TRMT11: variants seen among roughly 807,000 people sequenced by gnomAD.
TRMT11 encodes the protein tRNA methyltransferase 11.
In TRMT11, 53 loss-of-function variants were observed where a neutral mutation model predicts 62.8. The observed-to-expected ratio is 0.84, with a 90% CI of 0.68 to 1.06. The LOEUF (loss-of-function observed/expected upper bound fraction) is 1.06, where lower values mean the gene tolerates loss of function less well. Ranked by LOEUF, TRMT11 falls within the 50% of genes least tolerant of loss-of-function variation. The pLI is 0.00. For synonymous variants in TRMT11, 188 were observed against 190.3 expected (o/e 0.99, Z 0.10); for missense variants, 556 against 553.4 (o/e 1.00, Z -0.05).
chr6:126,126,845 G>A (rs1777725153), intron 21 of TRMT11, among the ~76,000 whole-genome samples: 1 of 152,066 alleles, frequency 6.6e-6, no homozygotes, highest in Non-Finnish European at 1.5e-5. Flanking sequence ...TCCAAGTTGA[G>A]CAGAATACTG....
At chr6:126,014,784 T>C (rs2128837373) in intron 11 of TRMT11, among the ~76,000 whole-genome samples, 1 of 152,318 alleles carries the variant, frequency 6.6e-6, no homozygotes, top group Non-Finnish European at 1.5e-5. Context: ...CTAATGATCA[T>C]CTCATTTAAC....
intron 17 of TRMT11, among the ~76,000 whole-genome samples, chr6:126,092,542 AC>A (rs1349597371): frequency 1.3e-5 from 2 of 152,226 alleles, no homozygotes; most frequent in Non-Finnish European, 2.9e-5. Context: ...TATGGGAGCT[AC>A]AATTCAAGAT....
At chr6:126,213,530 G>T in the TRMT11 span, among the ~76,000 whole-genome samples, 4,319 of 151,920 alleles carry the variant, frequency 0.028, 188 homozygotes, top group African/African-American at 0.098. Context: ...TTACATTCTT[G>T]ATTTATTTTT....
intron 1 of TRMT11, among the ~76,000 whole-genome samples, chr6:126,192,382 G>A (rs1778613552): frequency 6.6e-6 from 1 of 152,084 alleles, no homozygotes; most frequent in African/African-American, 2.4e-5. Context: ...CATGTCTTAT[G>A]CAAACAAGAA....
intron 12 of TRMT11, among the ~76,000 whole-genome samples, chr6:126,030,394 A>C (rs1213525330): frequency 6.6e-6 from 1 of 152,190 alleles, no homozygotes; most frequent in Non-Finnish European, 1.5e-5. Context: ...TCTGCTGATT[A>C]AAAGAAAATA....
chr6:126,168,357 T>C (rs1336934790), intron 21 of TRMT11, among the ~76,000 whole-genome samples: 1 of 152,200 alleles, frequency 6.6e-6, no homozygotes, highest in African/African-American at 2.4e-5. Flanking sequence ...GTTAATGATA[T>C]GAATGACATG....
In TRMT11 at chr6:125,998,547, T is replaced by C; in HGVS notation, c.388-3T>C. On this transcript the variant is annotated splice_region_variant and splice_polypyrimidine_tract_variant and intron_variant, in intron 5 of 12. Transcript: ENST00000334379. ...ACATCAGCATTTCTTTTGTTTCTTT[T>C]AGGCACTTGAATTTCTGCCATTTGA... 1.2e-6 allele frequency: 2 copies of C among 1,610,666 alleles called. No homozygotes were observed. The highest frequency in any genetic ancestry group is 1.7e-6 in the Non-Finnish European group (2 of 1,178,938).
At chr6:126,021,104 A>G (rs1795743020) in intron 11 of TRMT11, 56 bp from the exon 12 acceptor site, 2 of 1,604,514 alleles carry the variant, frequency 1.2e-6, no homozygotes, top group Non-Finnish European at 1.7e-6. Context: ...GATCCCCATG[A>G]TTCTTTGTGG....
the TRMT11 span, among the ~76,000 whole-genome samples, chr6:126,230,002 CA>C: frequency 2.0e-5 from 3 of 152,022 alleles, no homozygotes; most frequent in African/African-American, 7.2e-5. Flanking sequence ...CATGAGGGAA[CA>C]TCACTATGTT....
At chr6:126,173,344 G>C (rs1336150986), upstream of TRMT11, among the ~76,000 whole-genome samples, 2 of 152,142 alleles carry the variant, frequency 1.3e-5, no homozygotes, top group Non-Finnish European at 2.9e-5. Context: ...CCACCTTTCT[G>C]TCAGGTCATA....
At chr6:126,024,529 G>A (rs191407900) in intron 12 of TRMT11, among the ~76,000 whole-genome samples, 12 of 152,250 alleles carry the variant, frequency 7.9e-5, no homozygotes, top group Non-Finnish European at 5.9e-5. Context: ...AGCCTTACCC[G>A]ACTGTCTTCC....
At chr6:126,169,281 G>A (rs1297882108) in intron 21 of TRMT11, among the ~76,000 whole-genome samples, 1 of 152,076 alleles carries the variant, frequency 6.6e-6, no homozygotes, top group Non-Finnish European at 1.5e-5. Context: ...GAAAACTTCT[G>A]CAATATTTTT....
the TRMT11 span, among the ~76,000 whole-genome samples, chr6:126,225,963 ATTACAGGCGT>A: frequency 3.3e-5 from 1 of 30,274 alleles, no homozygotes; most frequent in Non-Finnish European, 5.7e-5. Context: ...AAGTGCTGGG[ATTACAGGCGT>A]GAGTACCGCG....
At chr6:126,002,274 T>C (rs566432411) in intron 7 of TRMT11, among the ~76,000 whole-genome samples, 1 of 152,216 alleles carries the variant, frequency 6.6e-6, no homozygotes, top group Non-Finnish European at 1.5e-5. Flanking sequence ...TACACATGCA[T>C]ATACGTATTT....
chr6:126,154,339 A>ATGTATGTGTG lies in TRMT11; in HGVS notation c.*1824-20483_*1824-20482insATGTGTGTGT, dbSNP rs543087570. Among the ~76,000 whole-genome samples the ATGTATGTGTG allele has an allele frequency of 4.0e-3, 496 of 122,946 alleles. 3 individuals carry two copies. Among genetic ancestry groups the ATGTATGTGTG allele is most frequent in the African/African-American group, 0.013 (463 of 36,076 alleles). The allele number at this position is 122,946 out of a possible 152,430, so 80.7% of individuals were successfully genotyped here. Reference sequence around the variant, plus strand: ...GTAATAAAGATATGTGTGTGTGTGTATGTGTGTGTGTGTGTGTGTGTGTGT... The same window carrying ATGTATGTGTG: ...GTAATAAAGATATGTGTGTGTGTGTATGTATGTGTGTGTGTGTGTGTGTGTGTGTGTGTGT... On this transcript the variant is annotated intron_variant and NMD_transcript_variant, in intron 21 of 22. Coordinates refer to the TRMT11 transcript ENST00000648977.
intron 21 of TRMT11, among the ~76,000 whole-genome samples, chr6:126,152,234 G>A (rs888510455): frequency 4.7e-5 from 7 of 148,864 alleles, no homozygotes; most frequent in African/African-American, 1.3e-4. Context: ...TGGCATGCTA[G>A]TTCACTTTGG....
At chr6:126,079,619 C>T (rs1263178327) in intron 17 of TRMT11, among the ~76,000 whole-genome samples, 1 of 152,046 alleles carries the variant, frequency 6.6e-6, no homozygotes, top group Non-Finnish European at 1.5e-5. Flanking sequence ...GAGTACTGTG[C>T]TCACGACCTG....
At chr6:126,159,871 CTT>C (rs1778169385) in intron 21 of TRMT11, among the ~76,000 whole-genome samples, 2 of 152,232 alleles carry the variant, frequency 1.3e-5, no homozygotes, top group East Asian at 1.9e-4. Context: ...TCCTCTCTCT[CTT>C]GTTTTTCAAA....
chr6:126,248,624 A>G, the TRMT11 span, among the ~76,000 whole-genome samples: 1 of 152,094 alleles, frequency 6.6e-6, no homozygotes, highest in Non-Finnish European at 1.5e-5. Flanking sequence ...ATTATTATAT[A>G]TTTAATAGTT....
Sources: gnomAD v4.1 joint callset for allele counts (sites outside exome capture counted in the v4.1 genomes callset) on GRCh38, gnomAD v4.1.1 for gene constraint, MANE v1.5 for transcripts, NCBI Gene and HGNC (gene_info 2026-07-23, HGNC 2026-07-21) for gene names.